PHF8: variants seen among roughly 807,000 people sequenced by gnomAD.
The protein encoded by PHF8 is histone lysine demethylase PHF8.
PHF8 carries 9 observed loss-of-function variants against 74.4 expected under a neutral mutation model. The observed-to-expected ratio is 0.12, with a 90% CI of 0.07 to 0.21. The LOEUF is 0.21. Among genes scored for constraint, PHF8 ranks in the 10% least tolerant of loss-of-function variants. The pLI is 1.00. For missense variants in PHF8, 478 were observed against 816.6 expected (o/e 0.59, Z 5.05); for synonymous variants, 311 against 316.6 (o/e 0.98, Z 0.19).
intron 18 of PHF8, among the ~76,000 whole-genome samples, chrX:53,967,017 G>A (rs2065203532): frequency 9.2e-6 from 1 of 108,375 alleles, no homozygotes; most frequent in Admixed American, 9.7e-5. Flanking sequence ...TCTGAGAAGT[G>A]AGGAGACCCT....
chrX:53,988,798 A>G (rs1204784674), intron 14 of PHF8, among the ~76,000 whole-genome samples: 1 of 108,601 alleles, frequency 9.2e-6, no homozygotes, highest in East Asian at 2.9e-4. Flanking sequence ...GAAATTTCAT[A>G]AGAGAGTAGA....
upstream of PHF8, among the ~76,000 whole-genome samples, chrX:54,047,192 G>GA (rs1304869511): frequency 8.9e-6 from 1 of 111,821 alleles, no homozygotes. Flanking sequence ...GGAAAGGGTA[G>GA]AAAAAGATGA....
chrX:53,998,437 GA>G (rs1264535325), intron 11 of PHF8, among the ~76,000 whole-genome samples: 1 of 110,747 alleles, frequency 9.0e-6, no homozygotes, highest in Non-Finnish European at 1.9e-5. Flanking sequence ...CTGGGCGACA[GA>G]GTGAGGTTCT....
chrX:53,967,813 AC>A (rs782775275), intron 18 of PHF8, among the ~76,000 whole-genome samples: 6 of 112,956 alleles, frequency 5.3e-5, no homozygotes, highest in East Asian at 2.8e-4. Context: ...CTGTGACCTT[AC>A]CCCCCAACCC....
chrX:53,985,614 T>C (rs781869036), intron 17 of PHF8: 27 of 664,696 alleles, frequency 4.1e-5, no homozygotes, highest in Non-Finnish European at 5.8e-5. Flanking sequence ...TTGAAGTCTA[T>C]ACATCTTATT....
intron 14 of PHF8, among the ~76,000 whole-genome samples, chrX:53,990,674 G>T (rs1211094098): frequency 1.8e-5 from 2 of 111,438 alleles, no homozygotes; most frequent in Non-Finnish European, 3.8e-5. Context: ...TTTCCACCCA[G>T]ATGGGCCCAG....
At chrX:53,957,120 G>A (rs1214333995) in intron 19 of PHF8, among the ~76,000 whole-genome samples, 1 of 108,367 alleles carries the variant, frequency 9.2e-6, no homozygotes, top group African/African-American at 3.4e-5. Context: ...GCTGACATGG[G>A]CGGATCACAA....
At chrX:53,964,868 C>CAAAA (rs782274910) in intron 18 of PHF8, among the ~76,000 whole-genome samples, 1 of 37,750 alleles carries the variant, frequency 2.6e-5, no homozygotes, top group Non-Finnish European at 5.0e-5. Flanking sequence ...AACTCTGCCT[C>CAAAA]AAAAAAAAAA....
intron 19 of PHF8, among the ~76,000 whole-genome samples, chrX:53,951,944 T>C (rs1557087022): frequency 2.7e-5 from 3 of 111,268 alleles, no homozygotes; most frequent in Non-Finnish European, 5.7e-5. Context: ...AAGATATTCC[T>C]AGATAAATAA....
intron 18 of PHF8, among the ~76,000 whole-genome samples, chrX:53,977,528 T>C (rs1490705840): frequency 9.0e-6 from 1 of 111,536 alleles, no homozygotes; most frequent in Non-Finnish European, 1.9e-5. Flanking sequence ...ACATACTTAT[T>C]AGGATGATTA....
At chrX:54,027,984 CCACACACA>C (rs782177087) in intron 2 of PHF8, among the ~76,000 whole-genome samples, 55 of 96,498 alleles carry the variant, frequency 5.7e-4, no homozygotes, top group Non-Finnish European at 7.1e-4. Context: ...ACTATACACA[CCACACACA>C]CACACACACA....
chrX:53,974,171 C>T (rs2065338330), intron 18 of PHF8, among the ~76,000 whole-genome samples: 1 of 110,318 alleles, frequency 9.1e-6, no homozygotes, highest in Admixed American at 9.7e-5. Context: ...GAGGCTGAGG[C>T]AGAAGAATGG....
At chrX:53,968,603 T>C (rs2065247234) in intron 18 of PHF8, among the ~76,000 whole-genome samples, 1 of 111,858 alleles carries the variant, frequency 8.9e-6, no homozygotes, top group Non-Finnish European at 1.9e-5. Context: ...CAGAAAAAAA[T>C]ACAACAATTA....
At chrX:53,970,290 T>C (rs782438095) in intron 18 of PHF8, among the ~76,000 whole-genome samples, 1 of 110,991 alleles carries the variant, frequency 9.0e-6, no homozygotes, top group Non-Finnish European at 1.9e-5. Context: ...AAAAAACAAA[T>C]AATCCAATTT....
intron 7 of PHF8, among the ~76,000 whole-genome samples, chrX:54,012,071 T>C (rs782547279): frequency 1.3e-4 from 14 of 111,329 alleles, no homozygotes; most frequent in African/African-American, 4.5e-4. Flanking sequence ...TTTTGATAAC[T>C]ATACAAATTA....
chrX:53,979,121 C>G (rs1461374782), intron 18 of PHF8, among the ~76,000 whole-genome samples: 2 of 112,142 alleles, frequency 1.8e-5, no homozygotes, highest in African/African-American at 3.2e-5. Context: ...TGGGTCACGC[C>G]TATAATCCCA....
intron 19 of PHF8, among the ~76,000 whole-genome samples, chrX:53,960,318 A>G (rs906415859): frequency 4.7e-5 from 5 of 106,633 alleles, no homozygotes; most frequent in Middle Eastern, 4.8e-3. Flanking sequence ...CTTGTGATCC[A>G]CCCGCCTCGG....
chrX:53,948,208 C>T (rs112397139), intron 19 of PHF8, among the ~76,000 whole-genome samples: 15,523 of 111,392 alleles, frequency 0.14, 1,194 homozygotes, highest in African/African-American at 0.29. Context: ...AACTGGGTAT[C>T]TGAAGATCTT....
chrX:53,942,893 G>T, intron 20 of PHF8: 1 of 753,458 alleles, frequency 1.3e-6, no homozygotes, highest in South Asian at 6.7e-5. Context: ...GTGCATGAGG[G>T]GCTGGAAGGA....
Sources: allele counts gnomAD v4.1 joint callset (sites outside exome capture counted in the v4.1 genomes callset), GRCh38; gene constraint gnomAD v4.1.1; transcripts MANE v1.5; gene names NCBI Gene and HGNC (gene_info 2026-07-23, HGNC 2026-07-21).